Variants in ELAVL4 observed in about 807,000 individuals in gnomAD.
ELAVL4 encodes ELAV like RNA binding protein 4.
Under a neutral mutation model 35.6 loss-of-function variants are expected in ELAVL4, and 1 was observed. The observed-to-expected ratio is 0.03, with a 90% CI of 0.01 to 0.13. ELAVL4 has a LOEUF of 0.13. Ranked by LOEUF, ELAVL4 falls within the 10% of genes least tolerant of loss-of-function variation. ELAVL4 has a pLI of 1.00. For missense variants in ELAVL4, 267 were observed against 464.9 expected (o/e 0.57, Z 3.91); for synonymous variants, 156 against 171.0 (o/e 0.91, Z 0.69).
intron 2 of ELAVL4, among the ~76,000 whole-genome samples, chr1:50,173,759 C>G (rs1679463328): frequency 6.6e-6 from 1 of 152,122 alleles, no homozygotes; most frequent in Non-Finnish European, 1.5e-5. Flanking sequence ...TTTTAATTTT[C>G]TGTTCTGAAA....
chr1:50,055,166 A>G (rs1449498626), intron 1 of ELAVL4, among the ~76,000 whole-genome samples: 1 of 152,208 alleles, frequency 6.6e-6, no homozygotes, highest in African/African-American at 2.4e-5. Context: ...TAAAAACGAC[A>G]GTCTTGGAGA....
At chr1:50,057,324 A>C (rs1159400935) in intron 1 of ELAVL4, among the ~76,000 whole-genome samples, 1 of 152,204 alleles carries the variant, frequency 6.6e-6, no homozygotes, top group East Asian at 1.9e-4. Flanking sequence ...TTAAAAATTT[A>C]TAAAGTAAAA....
intron 1 of ELAVL4, among the ~76,000 whole-genome samples, chr1:50,088,645 A>G (rs1665353567): frequency 6.6e-6 from 1 of 152,194 alleles, no homozygotes; most frequent in Non-Finnish European, 1.5e-5. Flanking sequence ...CTTGAAATCA[A>G]AGAAAGCCAA....
In ELAVL4 at chr1:50,109,094, T is replaced by C; in HGVS notation, c.-96T>C. 1 of 1,382,682 alleles carries C rather than the reference T, an allele frequency of 7.2e-7. No homozygotes were observed. Among genetic ancestry groups the C allele is most frequent in the Non-Finnish European group, 9.5e-7 (1 of 1,057,536 alleles). 85.7% of individuals were successfully genotyped at this position (1,382,682 alleles called of 1,614,324 possible). Reference sequence around the variant, plus strand: ...TGTTTTGTGGATCTTTAATTATATATAACAATAGTAGTCATTTTAAATATA... The same window carrying C: ...TGTTTTGTGGATCTTTAATTATATACAACAATAGTAGTCATTTTAAATATA... On this transcript the variant is annotated 5_prime_UTR_variant, in exon 1 of 7. Coordinates refer to ENST00000371824, the MANE Select transcript of ELAVL4 (RefSeq NM_001144774.3).
At chr1:50,165,041 T>C (rs1677497320) in intron 2 of ELAVL4, among the ~76,000 whole-genome samples, 1 of 152,226 alleles carries the variant, frequency 6.6e-6, no homozygotes, top group Non-Finnish European at 1.5e-5. Flanking sequence ...AGTGAGAATG[T>C]TCGCCTGATC....
At chr1:50,176,402 A>G (rs1680037199) in intron 2 of ELAVL4, among the ~76,000 whole-genome samples, 1 of 152,156 alleles carries the variant, frequency 6.6e-6, no homozygotes, top group Non-Finnish European at 1.5e-5. Flanking sequence ...AACTATACAC[A>G]TCTCCAGTCT....
At chr1:50,160,295 G>A (rs1676563319) in intron 2 of ELAVL4, among the ~76,000 whole-genome samples, 1 of 152,076 alleles carries the variant, frequency 6.6e-6, no homozygotes, top group East Asian at 1.9e-4. Context: ...ACGTTCCCCC[G>A]CAATTTCTAC....
exon 1 of ELAVL4, chr1:50,048,168 C>A: frequency 2.0e-6 from 3 of 1,521,758 alleles, no homozygotes; most frequent in Non-Finnish European, 2.6e-6. Flanking sequence ...GGGGAAGATG[C>A]GCCTCAAGAA....
chr1:50,168,719 C>T (rs557887048), intron 2 of ELAVL4, among the ~76,000 whole-genome samples: 12 of 152,172 alleles, frequency 7.9e-5, no homozygotes, highest in African/African-American at 2.9e-4. Flanking sequence ...ATTTATTTTG[C>T]ATAACGCTCT....
At chr1:50,164,533 A>G (rs1003292291) in intron 2 of ELAVL4, among the ~76,000 whole-genome samples, 3 of 152,240 alleles carry the variant, frequency 2.0e-5, no homozygotes, top group Non-Finnish European at 4.4e-5. Context: ...GGTCAGGCAC[A>G]GTGGCACATG....
chr1:50,062,903 T>C (rs2148479558), intron 1 of ELAVL4, among the ~76,000 whole-genome samples: 1 of 152,298 alleles, frequency 6.6e-6, no homozygotes, highest in East Asian at 1.9e-4. Context: ...CATCCATACT[T>C]GTTTGTTAAG....
intron 1 of ELAVL4, among the ~76,000 whole-genome samples, chr1:50,065,047 G>T (rs1003767471): frequency 1.3e-5 from 2 of 152,132 alleles, no homozygotes; most frequent in Non-Finnish European, 2.9e-5. Flanking sequence ...AGAACCTGGA[G>T]ACCATTCAGA....
intron 3 of ELAVL4, among the ~76,000 whole-genome samples, chr1:50,186,974 G>A: frequency 6.6e-6 from 1 of 152,186 alleles, no homozygotes; most frequent in East Asian, 1.9e-4. Context: ...TCAAAGCTGC[G>A]GTTTCCAGGA....
At chr1:50,136,160 C>T (rs190453754) in intron 1 of ELAVL4, among the ~76,000 whole-genome samples, 3 of 151,948 alleles carry the variant, frequency 2.0e-5, no homozygotes, top group Admixed American at 1.3e-4. Context: ...GGAATTGTAA[C>T]GACATTTTTA....
At chr1:50,156,714 G>A (rs1262880922) in intron 2 of ELAVL4, among the ~76,000 whole-genome samples, 2 of 152,182 alleles carry the variant, frequency 1.3e-5, no homozygotes, top group Admixed American at 1.3e-4. Flanking sequence ...GGAGTTTAAT[G>A]TGACTAGCCT....
upstream of ELAVL4, chr1:50,106,483 T>A: frequency 1.0e-6 from 1 of 998,686 alleles, no homozygotes; most frequent in Non-Finnish European, 1.5e-6. Flanking sequence ...CAAGTTTCTT[T>A]CTGTGGTGGT....
At chr1:50,147,997 G>A (rs939923610) in intron 2 of ELAVL4, among the ~76,000 whole-genome samples, 11 of 152,222 alleles carry the variant, frequency 7.2e-5, no homozygotes, top group African/African-American at 2.4e-4. Flanking sequence ...CTCCGTTTGA[G>A]AACAGATAGA....
chr1:50,195,478 T>C (rs1488089050), intron 4 of ELAVL4, 83 bp from the exon 5 acceptor site: 1 of 1,487,122 alleles, frequency 6.7e-7, no homozygotes, highest in East Asian at 2.3e-5. Context: ...CCTCACACAA[T>C]ATCCACAGGA....
chr1:50,197,633 G>T, intron 6 of ELAVL4, 166 bp downstream of exon 6: 1 of 592,202 alleles, frequency 1.7e-6, no homozygotes, highest in Non-Finnish European at 2.7e-6. Flanking sequence ...AGTTGATTTT[G>T]TTTCTTTTAG....
Sources: gnomAD v4.1 joint callset for allele counts (sites outside exome capture counted in the v4.1 genomes callset) on GRCh38, gnomAD v4.1.1 for gene constraint, MANE v1.5 for transcripts, NCBI Gene and HGNC (gene_info 2026-07-23, HGNC 2026-07-21) for gene names.